Variants in SLC25A21 observed in about 807,000 individuals in gnomAD.
SLC25A21 encodes mitochondrial 2-oxodicarboxylate carrier.
Under a neutral mutation model 43.8 loss-of-function variants are expected in SLC25A21, and 47 were observed. The observed-to-expected ratio is 1.07, with a 90% confidence interval of 0.85 to 1.37. The LOEUF is 1.37. Ranked by LOEUF, SLC25A21 falls within the 40% of genes most tolerant of loss-of-function variation. SLC25A21 has a pLI of 0.00. For synonymous variants in SLC25A21, 131 were observed against 121.3 expected (o/e 1.08, Z -0.52); for missense variants, 352 against 350.2 (o/e 1.00, Z -0.04).
chr14:37,114,636 T>C (rs567996584), intron 1 of SLC25A21, among the ~76,000 whole-genome samples: 4 of 152,342 alleles, frequency 2.6e-5, no homozygotes, highest in African/African-American at 9.6e-5. Flanking sequence ...TAGCAGCATG[T>C]AGAAGTATGA....
chr14:36,842,909 TG>T (rs1889430730), intron 2 of SLC25A21, among the ~76,000 whole-genome samples: 1 of 151,906 alleles, frequency 6.6e-6, no homozygotes. Context: ...TTCATATGGA[TG>T]GGGTGGAGGG....
chr14:36,748,110 C>A (rs1433466843), intron 3 of SLC25A21, among the ~76,000 whole-genome samples: 2 of 152,222 alleles, frequency 1.3e-5, no homozygotes, highest in African/African-American at 4.8e-5. Context: ...GGAGTTAGGA[C>A]AATAACAAAG....
chr14:36,830,368 G>A (rs1322123970), intron 2 of SLC25A21, among the ~76,000 whole-genome samples: 9 of 152,142 alleles, frequency 5.9e-5, no homozygotes, highest in South Asian at 2.1e-4. Context: ...CCTCATTCGC[G>A]GAAGTGAGGA....
intron 1 of SLC25A21, among the ~76,000 whole-genome samples, chr14:37,169,817 T>C (rs1283414551): frequency 2.0e-5 from 3 of 152,094 alleles, no homozygotes; most frequent in Non-Finnish European, 4.4e-5. Context: ...TAAAAGAAAA[T>C]ATAATTCTTT....
chr14:36,736,025 T>G (rs1180518983), intron 3 of SLC25A21, among the ~76,000 whole-genome samples: 1 of 133,612 alleles, frequency 7.5e-6, no homozygotes, highest in Non-Finnish European at 1.5e-5. Flanking sequence ...AAGCTCCACC[T>G]CCCGGGTTCA....
chr14:37,078,102 T>A (rs562441378), intron 1 of SLC25A21, among the ~76,000 whole-genome samples: 22 of 152,306 alleles, frequency 1.4e-4, no homozygotes, highest in African/African-American at 4.3e-4. Context: ...TCAAACACAA[T>A]TTTATCCAGG....
chr14:37,043,769 C>T (rs370423638), intron 1 of SLC25A21, among the ~76,000 whole-genome samples: 25 of 151,886 alleles, frequency 1.6e-4, no homozygotes, highest in South Asian at 6.2e-4. Context: ...CAGGGTCTTG[C>T]GCTGTCTCCC....
At chr14:37,156,385 CAATT>C (rs755611690) in intron 1 of SLC25A21, among the ~76,000 whole-genome samples, 14 of 151,874 alleles carry the variant, frequency 9.2e-5, no homozygotes, top group Middle Eastern at 3.4e-3. Flanking sequence ...AAACAGAAAA[CAATT>C]AATATGACAG....
At chr14:36,799,040 T>C (rs1032308578) in intron 3 of SLC25A21, among the ~76,000 whole-genome samples, 4 of 152,070 alleles carry the variant, frequency 2.6e-5, no homozygotes, top group African/African-American at 9.7e-5. Flanking sequence ...GCAAATATAT[T>C]GGGAATCTTC....
intron 1 of SLC25A21, among the ~76,000 whole-genome samples, chr14:36,907,656 C>A (rs192005025): frequency 2.7e-4 from 41 of 152,086 alleles, no homozygotes; most frequent in African/African-American, 9.9e-4. Context: ...GTTTTTGGAA[C>A]GAACCAAGCA....
chr14:37,115,392 G>A (rs1268300341), intron 1 of SLC25A21, among the ~76,000 whole-genome samples: 1 of 152,162 alleles, frequency 6.6e-6, no homozygotes, highest in Non-Finnish European at 1.5e-5. Flanking sequence ...ACAGGAATTT[G>A]TTTTCTGTGA....
intron 7 of SLC25A21, among the ~76,000 whole-genome samples, chr14:36,701,093 C>T (rs949359434): frequency 3.3e-5 from 5 of 152,280 alleles, no homozygotes; most frequent in Admixed American, 6.5e-5. Flanking sequence ...AACTTTCATT[C>T]CTTCTAATCT....
chr14:36,884,390 G>A (rs867480133), intron 1 of SLC25A21, among the ~76,000 whole-genome samples: 5 of 152,218 alleles, frequency 3.3e-5, no homozygotes, highest in South Asian at 2.1e-4. Flanking sequence ...GGACATTTAG[G>A]TTGGTTTCAT....
At chr14:37,144,963 GTTT>G (rs1328441762) in intron 1 of SLC25A21, among the ~76,000 whole-genome samples, 2 of 150,828 alleles carry the variant, frequency 1.3e-5, no homozygotes, top group Non-Finnish European at 2.9e-5. Context: ...TTGTTTGTTT[GTTT>G]TTAATATTTG....
At chr14:36,995,403 T>C (rs540620350) in intron 1 of SLC25A21, among the ~76,000 whole-genome samples, 1 of 152,322 alleles carries the variant, frequency 6.6e-6, no homozygotes, top group African/African-American at 2.4e-5. Context: ...GTAAAGGCTT[T>C]GGCAGAGAGA....
At chr14:37,117,165 A>C (rs1963120858) in intron 1 of SLC25A21, among the ~76,000 whole-genome samples, 1 of 152,208 alleles carries the variant, frequency 6.6e-6, no homozygotes, top group Non-Finnish European at 1.5e-5. Context: ...AGGTACATGA[A>C]TCATCCTTTT....
At chr14:36,768,994 T>C (rs1387810582) in intron 3 of SLC25A21, among the ~76,000 whole-genome samples, 2 of 152,052 alleles carry the variant, frequency 1.3e-5, no homozygotes, top group Non-Finnish European at 2.9e-5. Flanking sequence ...TGTATCTATA[T>C]TTACTGTAAC....
intron 1 of SLC25A21, among the ~76,000 whole-genome samples, chr14:37,000,005 A>T (rs1960453317): frequency 6.6e-6 from 1 of 152,214 alleles, no homozygotes; most frequent in African/African-American, 2.4e-5. Flanking sequence ...ATAGTGAACG[A>T]ATAAATGAAT....
chr14:37,012,062 G>T (rs1374229230), intron 1 of SLC25A21, among the ~76,000 whole-genome samples: 1 of 152,086 alleles, frequency 6.6e-6, no homozygotes, highest in Non-Finnish European at 1.5e-5. Context: ...ATAGTCAGCT[G>T]GGCTATGCTC....
Sources: gnomAD v4.1 joint callset for allele counts (sites outside exome capture counted in the v4.1 genomes callset) on GRCh38, gnomAD v4.1.1 for gene constraint, MANE v1.5 for transcripts, NCBI Gene and HGNC (gene_info 2026-07-23, HGNC 2026-07-21) for gene names.